CCDC141: variants seen among roughly 807,000 people sequenced by gnomAD.
The protein encoded by CCDC141 is coiled-coil domain-containing protein 141.
In CCDC141, 168 loss-of-function variants were observed where a neutral mutation model predicts 181.0. That is an observed-to-expected ratio of 0.93 (90% CI 0.82 to 1.05). CCDC141 has a LOEUF of 1.05. Among genes scored for constraint, CCDC141 ranks in the 50% least tolerant of loss-of-function variants. The pLI is 0.00. For missense variants in CCDC141, 1,902 were observed against 1,788.5 expected, an observed-to-expected ratio of 1.06 and a Z score of -1.14; for synonymous variants, 666 against 642.3, an observed-to-expected ratio of 1.04 and a Z score of -0.56.
At chr2:178,951,964 A>C (rs550720380) in intron 5 of CCDC141, among the ~76,000 whole-genome samples, 3 of 152,240 alleles carry the variant, frequency 2.0e-5, no homozygotes, top group Non-Finnish European at 4.4e-5. Context: ...CCATCAGTTC[A>C]GTTGAACAGT....
chr2:178,890,462 A>G (rs1240795173), intron 8 of CCDC141, among the ~76,000 whole-genome samples: 3 of 152,184 alleles, frequency 2.0e-5, no homozygotes, highest in African/African-American at 7.2e-5. Flanking sequence ...AACCAGCTCC[A>G]GCCAAGCCTC....
At position 178,855,427 on chromosome 2, in the gene CCDC141, CAT is replaced by C; in HGVS notation, c.2978_2979del (p.His993ArgfsTer3). 1 of 1,611,936 alleles carries C rather than the reference CAT, an allele frequency of 6.2e-7. No individual in the cohort carries two copies. The highest frequency in any genetic ancestry group is 1.3e-5 in the African/African-American group (1 of 74,960). On this transcript the variant is annotated frameshift_variant, in exon 19 of 24. Transcript: ENST00000443758. LOFTEE classifies it high-confidence loss of function. ...LLEVMKDLQK[H>X]VDDFDKVVTD... ...GTCACAACTTTGTCAAAGTCATCCA[CAT>C]GTTTTTGCAAATCCTTCATGACTTC...
Position 178,834,994 on chromosome 2 carries a change from C to G in CCDC141, c.4326-554G>C, listed in dbSNP as rs1043500923. ...ATATTGCATATGAAAATTCAGATAT[C>G]CAGCTACCCCTAAAAACAAAAACAA... On this transcript the variant is annotated intron_variant, in intron 23 of 23. Coordinates refer to ENST00000443758, the MANE Select transcript of CCDC141 (RefSeq NM_173648.4). 2.6e-5 allele frequency among the ~76,000 whole-genome samples: 4 copies of G among 151,952 alleles called. No homozygotes were observed. In the South Asian group the frequency reaches 8.3e-4, roughly 31 times the overall value.
chr2:178,866,742 G>C (rs1223491302), intron 16 of CCDC141, among the ~76,000 whole-genome samples: 1 of 151,866 alleles, frequency 6.6e-6, no homozygotes, highest in African/African-American at 2.4e-5. Context: ...GTTTTTTTGA[G>C]ATGGAGTCTT....
At chr2:178,992,099 G>T (rs949796521) in intron 2 of CCDC141, among the ~76,000 whole-genome samples, 35 of 151,714 alleles carry the variant, frequency 2.3e-4, no homozygotes, top group Admixed American at 1.6e-3. Context: ...GTTGCCTGTA[G>T]AAATTTGGAT....
chr2:178,994,488 G>A (rs1449851915), intron 2 of CCDC141, among the ~76,000 whole-genome samples: 1 of 152,188 alleles, frequency 6.6e-6, no homozygotes, highest in Non-Finnish European at 1.5e-5. Context: ...TTGACCCTGG[G>A]CCTGGCCCCC....
rs192533825 is a variant in CCDC141 at position 179,040,576 on chromosome 2, C to T, written c.225+6708G>A. Among the ~76,000 whole-genome samples, 485 of 152,212 alleles carry T rather than the reference C, an allele frequency of 3.2e-3. 4 individuals carry two copies. Among genetic ancestry groups the T allele is most frequent in the African/African-American group, 0.011 (462 of 41,542 alleles). On this transcript the variant is annotated intron_variant, in intron 2 of 23. Transcript: ENST00000443758. ...CAGGCACCAGTGTGTGTTGTTCCCC[C>T]AACTGTGTCCATGTGGTCTCATCAT...
chr2:178,926,341 T>C (rs1030166457), intron 6 of CCDC141, among the ~76,000 whole-genome samples: 3 of 152,190 alleles, frequency 2.0e-5, no homozygotes, highest in Admixed American at 2.0e-4. Flanking sequence ...TCTATAAAAA[T>C]AGTAGTTTAA....
Position 178,836,918 on chromosome 2 carries a change from C to T in CCDC141, c.4301G>A (p.Gly1434Glu). 1.2e-6 allele frequency: 2 copies of T among 1,612,500 alleles called. No homozygotes were observed. Among genetic ancestry groups the T allele is most frequent in the Non-Finnish European group, 1.7e-6 (2 of 1,179,558 alleles). ...SPVTLEVEVTGFPEPTLTWYK... is the reference protein window; with the variant it reads ...SPVTLEVEVTEFPEPTLTWYK... The stretch of plus-strand genomic sequence containing the variant: ...CCATGTCAGTGTAGGCTCTGGAAAT[C>T]CTGTTACTTCAACTTCCAAAGTCAC... Residue 1434 changes from glycine to glutamate, a missense_variant, in exon 23 of 24, where the codon GGA (glycine) becomes GAA (glutamate). Transcript: ENST00000443758.
intron 2 of CCDC141, among the ~76,000 whole-genome samples, chr2:178,981,037 C>T (rs1477203412): frequency 1.3e-5 from 2 of 152,078 alleles, no homozygotes; most frequent in African/African-American, 4.8e-5. Context: ...AGGAGTCAAT[C>T]TACAAGAAGG....
intron 17 of CCDC141, among the ~76,000 whole-genome samples, chr2:178,862,531 C>T (rs1685666124): frequency 6.6e-6 from 1 of 152,120 alleles, no homozygotes; most frequent in Non-Finnish European, 1.5e-5. Flanking sequence ...GAGAATATGT[C>T]TACTGTGCTT....
At chr2:178,999,167 C>G (rs147059498) in intron 2 of CCDC141, among the ~76,000 whole-genome samples, 1 of 152,252 alleles carries the variant, frequency 6.6e-6, no homozygotes, top group African/African-American at 2.4e-5. Flanking sequence ...TCCACAACTA[C>G]CTCAAATTCA....
intron 19 of CCDC141, 132 bp downstream of exon 19, chr2:178,855,215 A>G: frequency 1.4e-6 from 1 of 714,860 alleles, no homozygotes; most frequent in Non-Finnish European, 2.3e-6. Context: ...ATCCTAAGGA[A>G]AAAAAATCAT....
intron 18 of CCDC141, among the ~76,000 whole-genome samples, chr2:178,855,938 A>G (rs369504795): frequency 1.3e-3 from 198 of 152,330 alleles, no homozygotes; most frequent in Non-Finnish European, 1.7e-3. Context: ...ACATAGATGG[A>G]TGCAAGAAAA....
At chr2:178,938,245 C>G (rs1161580034) in intron 6 of CCDC141, among the ~76,000 whole-genome samples, 2 of 152,096 alleles carry the variant, frequency 1.3e-5, no homozygotes, top group African/African-American at 4.8e-5. Flanking sequence ...CTATGAATTT[C>G]CCTCTTCACA....
At chr2:178,936,842 A>C in intron 6 of CCDC141, among the ~76,000 whole-genome samples, 1 of 151,770 alleles carries the variant, frequency 6.6e-6, no homozygotes, top group East Asian at 1.9e-4. Flanking sequence ...TAGGAATTTA[A>C]TTTGTTTTGC....
chr2:178,985,191 C>G (rs1200484873), intron 2 of CCDC141, among the ~76,000 whole-genome samples: 1 of 151,626 alleles, frequency 6.6e-6, no homozygotes, highest in African/African-American at 2.4e-5. Flanking sequence ...GACATGGAAA[C>G]TGAAGAACCT....
chr2:178,881,755 T>G (rs561841260), intron 11 of CCDC141, among the ~76,000 whole-genome samples: 25 of 152,014 alleles, frequency 1.6e-4, no homozygotes, highest in Middle Eastern at 3.4e-3. Flanking sequence ...TTAGCTGGGC[T>G]TGGTGGCACG....
downstream of CCDC141, among the ~76,000 whole-genome samples, chr2:178,828,689 T>A (rs1684161102): frequency 6.6e-6 from 1 of 152,216 alleles, no homozygotes; most frequent in Non-Finnish European, 1.5e-5. Flanking sequence ...CATTTCCAGC[T>A]GACTCTGTTT....
Sources: allele counts gnomAD v4.1 joint callset (sites outside exome capture counted in the v4.1 genomes callset), GRCh38; gene constraint gnomAD v4.1.1; transcripts MANE v1.5; gene names NCBI Gene and HGNC (gene_info 2026-07-23, HGNC 2026-07-21).